RPRD2: variants seen among roughly 807,000 people sequenced by gnomAD.
RPRD2 encodes the protein regulation of nuclear pre-mRNA domain-containing protein 2.
In RPRD2, 12 loss-of-function variants were observed where a neutral mutation model predicts 104.4. The ratio of observed to expected loss-of-function variants is 0.11; its 90% CI spans 0.07 to 0.19. The LOEUF (loss-of-function observed/expected upper bound fraction) is 0.19. RPRD2 is among the 10% of genes least tolerant of loss of function. The probability of loss-of-function intolerance (pLI) is 1.00; values close to 1 mark genes in which losing one functional copy is unlikely to be tolerated. For missense variants in RPRD2, 1,543 were observed against 1,790.1 expected (o/e 0.86, Z 2.49); for synonymous variants, 714 against 684.9 (o/e 1.04, Z -0.66).
At chr1:150,435,120 G>A (rs72696880) in intron 2 of RPRD2, among the ~76,000 whole-genome samples, 6,459 of 152,208 alleles carry the variant, frequency 0.042, 200 homozygotes, top group Non-Finnish European at 0.064. Flanking sequence ...TGTGATCAGC[G>A]ATGTTACTAT....
At chr1:150,447,031 T>C (rs1319637134) in intron 7 of RPRD2, among the ~76,000 whole-genome samples, 4 of 151,942 alleles carry the variant, frequency 2.6e-5, no homozygotes, top group African/African-American at 4.8e-5. Flanking sequence ...AGACGAGGTT[T>C]CTCCATGTTG....
chr1:150,459,525 C>T (rs1302280764), intron 8 of RPRD2, among the ~76,000 whole-genome samples: 1 of 150,700 alleles, frequency 6.6e-6, no homozygotes, highest in Non-Finnish European at 1.5e-5. Context: ...ATTTAATACA[C>T]AAATACTAAG....
intron 8 of RPRD2, among the ~76,000 whole-genome samples, chr1:150,457,825 C>T (rs1018701285): frequency 4.6e-5 from 7 of 152,308 alleles, no homozygotes; most frequent in East Asian, 1.9e-4. Context: ...AATCCCAGCA[C>T]TTTGGGAGGC....
chr1:150,382,831 A>G (rs1357558383), intron 1 of RPRD2, among the ~76,000 whole-genome samples: 1 of 152,024 alleles, frequency 6.6e-6, no homozygotes, highest in Non-Finnish European at 1.5e-5. Context: ...TGGTCAACAT[A>G]GGAAGACACC....
intron 1 of RPRD2, among the ~76,000 whole-genome samples, chr1:150,409,403 T>G (rs1158664292): frequency 6.6e-6 from 1 of 152,154 alleles, no homozygotes; most frequent in Non-Finnish European, 1.5e-5. Flanking sequence ...CTTCTCTTTT[T>G]TTTTCCTAAT....
intron 1 of RPRD2, among the ~76,000 whole-genome samples, chr1:150,369,552 G>T (rs1308792843): frequency 7.1e-6 from 1 of 141,282 alleles, no homozygotes; most frequent in African/African-American, 2.6e-5. Flanking sequence ...CGCCTCCCGG[G>T]TTCACGCCAT....
rs1169857735 is a variant in RPRD2 at position 150,427,144 on chromosome 1, C to T, written c.335+9419C>T. The stretch of plus-strand genomic sequence containing the variant: ...TGGGTGATACAGTGAGACTGAGTCT[C>T]AATAAATAAATAAATAAAAAGTTTT... On this transcript the variant is annotated intron_variant, in intron 2 of 10. Coordinates refer to ENST00000369068, the MANE Select transcript of RPRD2 (RefSeq NM_015203.5). Among the ~76,000 whole-genome samples the T allele has an allele frequency of 2.7e-5, 4 of 148,294 alleles. No homozygotes were observed. The Admixed American group carries it at 2.7e-4, about 10-fold the overall frequency.
intron 2 of RPRD2, among the ~76,000 whole-genome samples, chr1:150,422,077 CT>C (rs1664792901): frequency 1.3e-5 from 2 of 151,968 alleles, no homozygotes; most frequent in East Asian, 3.9e-4. Flanking sequence ...AATCCCAGCA[CT>C]TTGGGAGGCC....
intron 1 of RPRD2, among the ~76,000 whole-genome samples, chr1:150,410,179 T>C (rs1553887364): frequency 6.6e-6 from 1 of 152,076 alleles, no homozygotes; most frequent in Non-Finnish European, 1.5e-5. Flanking sequence ...ATGAAGAAAT[T>C]AGGTCAGGAA....
At position 150,364,655 on chromosome 1, in the gene RPRD2, C is replaced by CCCGCCGCCGCCG. The variant is rs373198505; in HGVS notation, c.-45_-34dup. The CCCGCCGCCGCCG allele has an allele frequency of 8.1e-5, 73 of 895,786 alleles. No individual in the cohort carries two copies. The highest frequency in any genetic ancestry group is 3.8e-4 in the African/African-American group (22 of 57,178). The allele number at this position is 895,786 out of a possible 1,614,324, so 55.5% of individuals were successfully genotyped here. On this transcript the variant is annotated 5_prime_UTR_variant, in exon 1 of 11. Transcript: ENST00000369068. ...ACTCGCAGTGATTGTTTTGCCCGCT[C>CCCGCCGCCGCCG]CCGCCGCCGCCGCCGCCGCCGCCGC...
intron 7 of RPRD2, 143 bp downstream of exon 7, chr1:150,446,544 G>A (rs1164361513): frequency 1.4e-6 from 1 of 696,704 alleles, no homozygotes; most frequent in East Asian, 3.0e-5. Flanking sequence ...AGGTGCTGTG[G>A]TACACACCTG....
chr1:150,439,182 A>G (rs1425835941), intron 2 of RPRD2, among the ~76,000 whole-genome samples: 1 of 152,136 alleles, frequency 6.6e-6, no homozygotes, highest in Non-Finnish European at 1.5e-5. Flanking sequence ...ATAAAGAAAA[A>G]TCCACTCACT....
In RPRD2 at chr1:150,464,852, TTTTA is replaced by T. The variant is rs113377463; in HGVS notation, c.1612+150_1612+153del. 902 of 462,502 alleles carry T rather than the reference TTTTA, an allele frequency of 2.0e-3. 10 individuals are homozygous for T. Among genetic ancestry groups the T allele is most frequent in the African/African-American group, 1.8e-3 (91 of 49,268 alleles). 28.6% of individuals were successfully genotyped at this position (462,502 alleles called of 1,614,324 possible). ...TATAACACAGTTAATTCATTATTCT[TTTTA>T]TTTATTTATTTATTTATTTATTTAA... On this transcript the variant is annotated intron_variant, in intron 10 of 10. Transcript: ENST00000369068.
rs1553888665 is a variant in RPRD2 at position 150,416,890 on chromosome 1, AAC to A, written c.206-704_206-703del. Among the ~76,000 whole-genome samples, 67 of 151,322 alleles carry A rather than the reference AAC, an allele frequency of 4.4e-4. No homozygotes were observed. In the East Asian group the frequency reaches 0.01, roughly 23 times the overall value. ...CCATCTCCAAAAAAAAAAAAAAAAAAACAAAAAGAAGAAGAAGAAAAGCTTAA... is the reference window on the plus strand; with the variant it reads ...CCATCTCCAAAAAAAAAAAAAAAAAAAAAAAGAAGAAGAAGAAAAGCTTAA... On this transcript the variant is annotated intron_variant, in intron 1 of 10. Coordinates refer to ENST00000369068, the MANE Select transcript of RPRD2 (RefSeq NM_015203.5).
intron 7 of RPRD2, among the ~76,000 whole-genome samples, chr1:150,448,151 C>T (rs1553895895): frequency 6.6e-6 from 1 of 152,090 alleles, no homozygotes. Context: ...CTTCAATCAA[C>T]TATATTTACT....
chr1:150,433,415 T>C (rs980528138), intron 2 of RPRD2, among the ~76,000 whole-genome samples: 68 of 136,950 alleles, frequency 5.0e-4, no homozygotes, highest in South Asian at 1.5e-3. Flanking sequence ...ATACTATATA[T>C]ACACACACAC....
intron 7 of RPRD2, among the ~76,000 whole-genome samples, chr1:150,454,232 A>G: frequency 6.6e-6 from 1 of 152,178 alleles, no homozygotes; most frequent in East Asian, 1.9e-4. Flanking sequence ...CAAGACTGTT[A>G]AAAGCTCTGC....
At chr1:150,425,905 G>C (rs1665089668) in intron 2 of RPRD2, among the ~76,000 whole-genome samples, 1 of 152,076 alleles carries the variant, frequency 6.6e-6, no homozygotes, top group Non-Finnish European at 1.5e-5. Context: ...AAGCCCAGGA[G>C]TGTGAGACCA....
At chr1:150,416,721 A>G (rs1170485902) in intron 1 of RPRD2, among the ~76,000 whole-genome samples, 1 of 151,844 alleles carries the variant, frequency 6.6e-6, no homozygotes, top group Non-Finnish European at 1.5e-5. Flanking sequence ...AATACAAAAA[A>G]ATTAGCTGGG....
Sources: allele counts gnomAD v4.1 joint callset (sites outside exome capture counted in the v4.1 genomes callset), GRCh38; gene constraint gnomAD v4.1.1; transcripts MANE v1.5; gene names NCBI Gene and HGNC (gene_info 2026-07-23, HGNC 2026-07-21).